Variants in BMPR1B observed in about 807,000 individuals in gnomAD.
BMPR1B encodes bone morphogenetic protein receptor type-1B.
In BMPR1B, 12 loss-of-function variants were observed where a neutral mutation model predicts 59.1. That is an observed-to-expected ratio of 0.20 (90% confidence interval 0.13 to 0.33). The LOEUF (loss-of-function observed/expected upper bound fraction) is 0.33, where lower values mean the gene tolerates loss of function less well. Ranked by LOEUF, BMPR1B falls within the 10% of genes least tolerant of loss-of-function variation. The pLI is 1.00. For missense variants in BMPR1B, 550 were observed against 610.9 expected (o/e 0.90, Z 1.05); for synonymous variants, 237 against 207.3 (o/e 1.14, Z -1.23).
chr4:95,133,142 A>G (rs999017877), intron 10 of BMPR1B, among the ~76,000 whole-genome samples: 2 of 152,140 alleles, frequency 1.3e-5, no homozygotes, highest in Non-Finnish European at 2.9e-5. Flanking sequence ...TCTTTCCACA[A>G]TATTCCCATT....
chr4:94,900,241 G>T (rs1300244200), intron 2 of BMPR1B, among the ~76,000 whole-genome samples: 2 of 151,374 alleles, frequency 1.3e-5, no homozygotes, highest in African/African-American at 2.4e-5. Flanking sequence ...CTTCAGTGCT[G>T]GCTTTGTGTA....
chr4:95,123,642 T>G (rs1294880357), intron 6 of BMPR1B, among the ~76,000 whole-genome samples, 168 bp from the exon 7 acceptor site: 1 of 152,198 alleles, frequency 6.6e-6, no homozygotes, highest in Non-Finnish European at 1.5e-5. Flanking sequence ...TAGTCAAACT[T>G]ATTTAATTTT....
At chr4:94,915,458 A>C (rs1728446713) in intron 2 of BMPR1B, among the ~76,000 whole-genome samples, 1 of 152,120 alleles carries the variant, frequency 6.6e-6, no homozygotes, top group Non-Finnish European at 1.5e-5. Context: ...ACATAAATTG[A>C]CTTTTCTAGT....
At chr4:94,976,683 A>T (rs1731046343) in intron 2 of BMPR1B, among the ~76,000 whole-genome samples, 1 of 152,228 alleles carries the variant, frequency 6.6e-6, no homozygotes, top group Non-Finnish European at 1.5e-5. Flanking sequence ...AACTAAAAAG[A>T]TAAGTCATCT....
At chr4:95,120,701 T>TTC (rs747281517) in intron 6 of BMPR1B, among the ~76,000 whole-genome samples, 15 of 146,030 alleles carry the variant, frequency 1.0e-4, no homozygotes, top group African/African-American at 3.1e-4. Context: ...CTTTCTCTCT[T>TTC]TCTCTCTCTC....
At chr4:94,878,102 G>T (rs72887871) in intron 2 of BMPR1B, among the ~76,000 whole-genome samples, 3 of 152,000 alleles carry the variant, frequency 2.0e-5, no homozygotes, top group Non-Finnish European at 4.4e-5. Context: ...ATATATTCCT[G>T]ACCGTGGAAT....
At chr4:94,903,439 A>G (rs1727907283) in intron 2 of BMPR1B, among the ~76,000 whole-genome samples, 1 of 151,220 alleles carries the variant, frequency 6.6e-6, no homozygotes, top group South Asian at 2.1e-4. Flanking sequence ...AAATTGCCTC[A>G]AAAGTCTTTT....
chr4:94,978,014 A>G (rs1253119764), intron 2 of BMPR1B, among the ~76,000 whole-genome samples: 2 of 152,184 alleles, frequency 1.3e-5, no homozygotes, highest in South Asian at 2.1e-4. Context: ...TCTTCCTTCC[A>G]ATAACTTAAT....
chr4:95,096,602 C>T (rs561450118), intron 3 of BMPR1B, among the ~76,000 whole-genome samples: 1 of 150,298 alleles, frequency 6.7e-6, no homozygotes, highest in African/African-American at 2.4e-5. Context: ...TCCAACGATC[C>T]TCTGAAAAAT....
At chr4:94,949,147 T>C (rs2149052099) in intron 2 of BMPR1B, among the ~76,000 whole-genome samples, 1 of 152,226 alleles carries the variant, frequency 6.6e-6, no homozygotes, top group South Asian at 2.1e-4. Flanking sequence ...TGAGAGGCCC[T>C]GGTGTGTGAG....
intron 3 of BMPR1B, among the ~76,000 whole-genome samples, chr4:95,028,521 A>G (rs1024295914): frequency 6.6e-6 from 1 of 152,116 alleles, no homozygotes; most frequent in African/African-American, 2.4e-5. Flanking sequence ...AATTGTGTTT[A>G]CTCTAAATGG....
chr4:95,015,230 AT>A (rs1384232943), intron 3 of BMPR1B, among the ~76,000 whole-genome samples: 2 of 152,174 alleles, frequency 1.3e-5, no homozygotes, highest in Non-Finnish European at 2.9e-5. Context: ...AAAAATGATC[AT>A]TTAACTGAAA....
At chr4:94,906,000 T>C (rs1728025097) in intron 2 of BMPR1B, among the ~76,000 whole-genome samples, 1 of 151,736 alleles carries the variant, frequency 6.6e-6, no homozygotes, top group Admixed American at 6.6e-5. Flanking sequence ...GATAATAAGA[T>C]GAACAAAGTA....
chr4:94,915,318 T>C (rs1245102914), intron 2 of BMPR1B, among the ~76,000 whole-genome samples: 1 of 152,166 alleles, frequency 6.6e-6, no homozygotes, highest in East Asian at 1.9e-4. Flanking sequence ...ACATGAGTTA[T>C]TTGAATCTTG....
intron 1 of BMPR1B, among the ~76,000 whole-genome samples, chr4:94,796,941 C>G (rs779794698): frequency 6.6e-6 from 1 of 152,024 alleles, no homozygotes; most frequent in Non-Finnish European, 1.5e-5. Flanking sequence ...ATAGTTTGGC[C>G]TCTGTTGGAG....
At chr4:94,902,055 G>A (rs1727831129) in intron 2 of BMPR1B, among the ~76,000 whole-genome samples, 1 of 109,078 alleles carries the variant, frequency 9.2e-6, no homozygotes, top group Non-Finnish European at 2.1e-5. Flanking sequence ...TGGTGTGTGT[G>A]TGTGTGTGTG....
intron 3 of BMPR1B, among the ~76,000 whole-genome samples, chr4:95,029,071 T>TATTG (rs1022554011): frequency 2.0e-5 from 3 of 150,940 alleles, no homozygotes; most frequent in African/African-American, 4.9e-5. Flanking sequence ...ATTTTCTTTT[T>TATTG]ATTTATTTAT....
chr4:95,140,365 C>A (rs1197060904), intron 10 of BMPR1B, among the ~76,000 whole-genome samples: 2 of 152,158 alleles, frequency 1.3e-5, no homozygotes, highest in African/African-American at 2.4e-5. Context: ...GACGAAATCC[C>A]CCTTTCTAAT....
chr4:95,137,507 G>T (rs1012502096), intron 10 of BMPR1B, among the ~76,000 whole-genome samples: 1 of 152,024 alleles, frequency 6.6e-6, no homozygotes, highest in African/African-American at 2.4e-5. Flanking sequence ...TTGACAGTGG[G>T]GTGTTAAAGT....
Sources: gnomAD v4.1 joint callset for allele counts (sites outside exome capture counted in the v4.1 genomes callset) on GRCh38, gnomAD v4.1.1 for gene constraint, MANE v1.5 for transcripts, NCBI Gene and HGNC (gene_info 2026-07-23, HGNC 2026-07-21) for gene names.